CACNA1I: variants seen among roughly 807,000 people sequenced by gnomAD.
The protein encoded by CACNA1I is voltage-dependent T-type calcium channel subunit alpha-1I.
CACNA1I carries 74 observed loss-of-function variants against 201.6 expected under a neutral mutation model. The observed-to-expected ratio is 0.37, with a 90% CI of 0.30 to 0.45. CACNA1I has a LOEUF of 0.45. CACNA1I is among the 20% of genes least tolerant of loss of function. CACNA1I has a pLI of 1.00. For missense variants in CACNA1I, 2,346 were observed against 3,138.1 expected, an observed-to-expected ratio of 0.75 and a Z score of 6.03; for synonymous variants, 1,431 against 1,345.2, an observed-to-expected ratio of 1.06 and a Z score of -1.40.
intron 3 of CACNA1I, among the ~76,000 whole-genome samples, chr22:39,613,089 C>T (rs1470987939): frequency 1.3e-5 from 2 of 152,192 alleles, no homozygotes; most frequent in Admixed American, 1.3e-4. Flanking sequence ...TTTTATCAGC[C>T]ACACACAGAA....
At chr22:39,572,123 C>T (rs1237036146) in intron 1 of CACNA1I, among the ~76,000 whole-genome samples, 1 of 151,972 alleles carries the variant, frequency 6.6e-6, no homozygotes, top group Non-Finnish European at 1.5e-5. Flanking sequence ...TTGGAGGCTG[C>T]ATGAGGGATG....
At position 39,658,955 on chromosome 22, in the gene CACNA1I, G is replaced by C. The variant is rs764511226; in HGVS notation, c.2169G>C (p.Ala723=). The C allele has an allele frequency of 6.2e-7, 1 of 1,602,054 alleles. No homozygotes were observed. The highest frequency in any genetic ancestry group is 8.5e-7 in the Non-Finnish European group (1 of 1,176,216). Residue 723 remains alanine (A), a synonymous_variant, in exon 12 of 37, where the codon GCG becomes GCC. Transcript: ENST00000402142. ...GCATCTGGGAGATTGTGGGGCAGGCGGACGGTGGGCTGTCGGTGCTGCGGA... is the reference window on the plus strand; with the variant it reads ...GCATCTGGGAGATTGTGGGGCAGGCCGACGGTGGGCTGTCGGTGCTGCGGA... The part of the protein sequence containing the change: ...IISIWEIVGQ[A]DGGLSVLRTF...
rs964515718 is a variant in CACNA1I at position 39,689,343 on chromosome 22, A to G, written c.*2938A>G. On this transcript the variant is annotated 3_prime_UTR_variant, in exon 37 of 37. Coordinates refer to ENST00000402142, the MANE Select transcript of CACNA1I (RefSeq NM_021096.4). ...AAAGCCCGTCTGCTGTCTTCCCCCA[A>G]ATCCTCAGCTCAGAGCCTTCCGCTT... 1 of 152,738 alleles carries G rather than the reference A, an allele frequency of 6.5e-6. No homozygotes were observed. Among genetic ancestry groups the G allele is most frequent in the East Asian group, 1.9e-4 (1 of 5,196 alleles). 9.5% of individuals were successfully genotyped at this position (152,738 alleles called of 1,614,324 possible). A position where few individuals can be genotyped will look rare whatever the true frequency, so the allele number is the denominator to read the frequency against.
At chr22:39,655,556 G>A (rs1934791040) in intron 10 of CACNA1I, among the ~76,000 whole-genome samples, 1 of 152,140 alleles carries the variant, frequency 6.6e-6, no homozygotes. Flanking sequence ...TTCCCATGGT[G>A]TCACTGCTTC....
chr22:39,666,019 G>A lies in CACNA1I; in HGVS notation c.4104+13G>A, dbSNP rs144187038. ...CAACCTGGGCCAGGTGAGCACCACCGTCCTAGCCCTGATCAGACCCTCCCC... is the reference window on the plus strand; with the variant it reads ...CAACCTGGGCCAGGTGAGCACCACCATCCTAGCCCTGATCAGACCCTCCCC... On this transcript the variant is annotated intron_variant, in intron 23 of 36. Coordinates refer to ENST00000402142, the MANE Select transcript of CACNA1I (RefSeq NM_021096.4). The surrounding 1 kb of genome is among the most constrained non-coding windows in gnomAD (Gnocchi z 4.1). 518 of 1,612,168 alleles carry A rather than the reference G, an allele frequency of 3.2e-4. 1 individual carries two copies. The Middle Eastern group carries it at 6.3e-3, about 20-fold the overall frequency.
At position 39,686,652 on chromosome 22, in the gene CACNA1I, A is replaced by ATATATATATATATATATG. The variant is rs1420348207; in HGVS notation, c.*248_*249insATATATATATATATATGT. ...CATATATATATATATATATATATAT[A>ATATATATATATATATATG]TGTGTATACACACACACATAGACAG... On this transcript the variant is annotated 3_prime_UTR_variant, in exon 37 of 37. Coordinates refer to ENST00000402142, the MANE Select transcript of CACNA1I (RefSeq NM_021096.4). 4 of 143,906 alleles carry ATATATATATATATATATG rather than the reference A, an allele frequency of 2.8e-5. No homozygotes were observed. The highest frequency in any genetic ancestry group is 2.0e-4 in the East Asian group (1 of 4,978). 8.9% of individuals were successfully genotyped at this position (143,906 alleles called of 1,614,324 possible).
chr22:39,658,084 T>C (rs534452150), intron 10 of CACNA1I, 68 bp from the exon 11 acceptor site: 1 of 1,544,336 alleles, frequency 6.5e-7, no homozygotes, highest in East Asian at 2.3e-5. Flanking sequence ...AGGGTGGGTG[T>C]CCAGAGGGGA....
intron 3 of CACNA1I, among the ~76,000 whole-genome samples, chr22:39,617,525 G>C (rs550482127): frequency 1.3e-5 from 2 of 152,242 alleles, no homozygotes; most frequent in African/African-American, 4.8e-5. Context: ...GGCTGCCTGC[G>C]ATGGGACTCG....
At chr22:39,655,660 CTCTA>C (rs986530866) in intron 10 of CACNA1I, among the ~76,000 whole-genome samples, 3 of 152,124 alleles carry the variant, frequency 2.0e-5, no homozygotes, top group Admixed American at 6.5e-5. Flanking sequence ...ACTCCCTTGT[CTCTA>C]TCTGTCTGTC....
At chr22:39,656,342 A>G in intron 10 of CACNA1I, 1 of 508,600 alleles carries the variant, frequency 2.0e-6, no homozygotes, top group Non-Finnish European at 3.9e-6. Flanking sequence ...CCTCCCAGCC[A>G]GCTGGGTCCT....
chr22:39,578,696 T>C (rs1932445081), intron 1 of CACNA1I, among the ~76,000 whole-genome samples: 1 of 152,208 alleles, frequency 6.6e-6, no homozygotes, highest in Non-Finnish European at 1.5e-5. Flanking sequence ...CCTGCCTCCC[T>C]TCATTTGTGT....
At chr22:39,675,431 G>T (rs920917443) in intron 29 of CACNA1I, among the ~76,000 whole-genome samples, 1 of 152,160 alleles carries the variant, frequency 6.6e-6, no homozygotes, top group Non-Finnish European at 1.5e-5. Context: ...CCCAAATCCA[G>T]TGTGGAGCTG....
At chr22:39,625,002 G>A (rs754180243) in intron 4 of CACNA1I, among the ~76,000 whole-genome samples, 40 of 148,492 alleles carry the variant, frequency 2.7e-4, no homozygotes, top group Non-Finnish European at 4.2e-4. Flanking sequence ...TCCACCTCCC[G>A]GTTCAAGAGA....
intron 10 of CACNA1I, chr22:39,656,701 G>A (rs773834852): frequency 1.5e-5 from 8 of 518,922 alleles, no homozygotes; most frequent in South Asian, 8.4e-5. Context: ...GTGGTGTAAC[G>A]GGAGAGCAGT....
chr22:39,686,161 C>T lies in CACNA1I; in HGVS notation c.6428C>T (p.Pro2143Leu). Residue 2143 changes from proline to leucine, a missense_variant, in exon 37 of 37, where the codon CCA becomes CTA. Physicochemically the swap from Pro to Leu is moderately conservative, Grantham distance 98 (BLOSUM62 -3). Coordinates refer to ENST00000402142, the MANE Select transcript of CACNA1I (RefSeq NM_021096.4). ...TSLFCPPPPP[P>L]APGLTPARKF... The stretch of plus-strand genomic sequence containing the variant: ...CTCTTCTGCCCGCCGCCCCCGCCGC[C>T]AGCCCCCGGCCTCACGCCCGCCAGG... 7.8e-7 allele frequency: 1 copy of T among 1,282,742 alleles called. No homozygotes were observed. Among genetic ancestry groups the T allele is most frequent in the East Asian group, 3.3e-5 (1 of 30,330 alleles). 79.5% of individuals were successfully genotyped at this position (1,282,742 alleles called of 1,614,324 possible). A position where few individuals can be genotyped will look rare whatever the true frequency, so the allele number is the denominator to read the frequency against.
chr22:39,584,492 C>A (rs1368682696), intron 1 of CACNA1I, among the ~76,000 whole-genome samples: 1 of 152,118 alleles, frequency 6.6e-6, no homozygotes, highest in East Asian at 1.9e-4. Context: ...AGACTTGGGA[C>A]CTGCTCAGCC....
Position 39,571,003 on chromosome 22 carries a change from C to T in CACNA1I, c.236+15C>T, listed in dbSNP as rs749321621. 6.2e-7 allele frequency: 1 copy of T among 1,604,844 alleles called. No homozygotes were observed. Among genetic ancestry groups the T allele is most frequent in the Non-Finnish European group, 8.5e-7 (1 of 1,171,938 alleles). On this transcript the variant is annotated intron_variant, in intron 1 of 36. Coordinates refer to ENST00000402142, the MANE Select transcript of CACNA1I (RefSeq NM_021096.4). ...GTGTGCAACCCATATCCTCCGCAGC[C>T]TCGGCTGATCGGGGCCCTGCAGGGG...
At chr22:39,656,115 A>T (rs918497744) in intron 10 of CACNA1I, among the ~76,000 whole-genome samples, 1 of 152,150 alleles carries the variant, frequency 6.6e-6, no homozygotes, top group Non-Finnish European at 1.5e-5. Flanking sequence ...CTTGAGTCAG[A>T]TGTAATTACA....
chr22:39,642,089 C>T (rs943275038), intron 6 of CACNA1I, among the ~76,000 whole-genome samples: 2 of 152,120 alleles, frequency 1.3e-5, no homozygotes, highest in South Asian at 2.1e-4. Flanking sequence ...CGCTGCCCTG[C>T]GCTGCCTCTG....
Sources: allele counts gnomAD v4.1 joint callset (sites outside exome capture counted in the v4.1 genomes callset), GRCh38; gene constraint gnomAD v4.1.1; non-coding constraint Gnocchi (gnomAD v3.1); transcripts MANE v1.5; gene names NCBI Gene and HGNC (gene_info 2026-07-23, HGNC 2026-07-21).